SPMIP11: variants seen among roughly 807,000 people sequenced by gnomAD.
The protein encoded by SPMIP11 is sperm microtubule inner protein 11.
At chr12:48,748,349 T>G in the SPMIP11 span, among the ~76,000 whole-genome samples, 2 of 152,246 alleles carry the variant, frequency 1.3e-5, no homozygotes, top group African/African-American at 4.8e-5. Flanking sequence ...CTCTTTCATC[T>G]GGCAAGGGAA....
chr12:48,762,410 C>G, the SPMIP11 span, among the ~76,000 whole-genome samples: 1 of 132,518 alleles, frequency 7.5e-6, no homozygotes, highest in Non-Finnish European at 1.6e-5. Flanking sequence ...CTCTGTCGCC[C>G]AGGCTGGAGT....
At chr12:48,765,800 G>A in the SPMIP11 span, 1 of 638,986 alleles carries the variant, frequency 1.6e-6, no homozygotes, top group East Asian at 2.8e-5. Context: ...AGTTGCTTGT[G>A]TGCACGGGGG....
the SPMIP11 span, among the ~76,000 whole-genome samples, chr12:48,729,459 A>C: frequency 6.6e-6 from 1 of 151,764 alleles, no homozygotes; most frequent in South Asian, 2.1e-4. Context: ...GCTTGAACCC[A>C]GGAAGTGGAG....
the SPMIP11 span, chr12:48,768,393 T>G: frequency 1.4e-6 from 1 of 714,182 alleles, no homozygotes; most frequent in Non-Finnish European, 2.3e-6. Flanking sequence ...ACTTGCATAA[T>G]CCTCTCGGTA....
chr12:48,730,208 G>C, the SPMIP11 span, among the ~76,000 whole-genome samples: 1 of 152,172 alleles, frequency 6.6e-6, no homozygotes, highest in South Asian at 2.1e-4. Flanking sequence ...TTATAGGCTA[G>C]ACAAAGTGGA....
chr12:48,768,437 G>T, the SPMIP11 span: 62 of 1,093,704 alleles, frequency 5.7e-5, no homozygotes, highest in Non-Finnish European at 7.1e-5. Flanking sequence ...GAGGGCAGAC[G>T]AGCATGATCC....
At chr12:48,754,308 G>C in the SPMIP11 span, among the ~76,000 whole-genome samples, 1 of 152,000 alleles carries the variant, frequency 6.6e-6, no homozygotes, top group Admixed American at 6.6e-5. Context: ...AGGAGGCTGA[G>C]GCAGGAGGAT....
At chr12:48,770,306 C>T in the SPMIP11 span, among the ~76,000 whole-genome samples, 2 of 152,070 alleles carry the variant, frequency 1.3e-5, no homozygotes, top group Non-Finnish European at 2.9e-5. Flanking sequence ...CTCAAATAAG[C>T]CAGTAAATGG....
chr12:48,751,900 C>T, the SPMIP11 span, among the ~76,000 whole-genome samples: 1 of 151,896 alleles, frequency 6.6e-6, no homozygotes, highest in Non-Finnish European at 1.5e-5. Flanking sequence ...AACTTCATCC[C>T]TACTAAAAAT....
chr12:48,760,428 T>A, the SPMIP11 span, among the ~76,000 whole-genome samples: 1 of 152,116 alleles, frequency 6.6e-6, no homozygotes. Context: ...TCCTCCCACC[T>A]CGGCCTCCCA....
chr12:48,741,039 A>G, the SPMIP11 span, among the ~76,000 whole-genome samples: 1 of 147,046 alleles, frequency 6.8e-6, no homozygotes, highest in Non-Finnish European at 1.5e-5. Context: ...AATCTGGAAT[A>G]GTTCCTCCAC....
chr12:48,730,080 A>T, the SPMIP11 span, among the ~76,000 whole-genome samples: 8 of 152,122 alleles, frequency 5.3e-5, no homozygotes, highest in Admixed American at 4.6e-4. Context: ...ACTAGATAGA[A>T]TTCTCTCACC....
the SPMIP11 span, among the ~76,000 whole-genome samples, chr12:48,756,598 A>G: frequency 6.6e-6 from 1 of 152,196 alleles, no homozygotes; most frequent in African/African-American, 2.4e-5. Flanking sequence ...GCACTCCACC[A>G]GAGATTAGTC....
At chr12:48,736,191 C>A in the SPMIP11 span, 1 of 389,740 alleles carries the variant, frequency 2.6e-6, no homozygotes, top group South Asian at 1.9e-5. Context: ...ATTCCTTGAG[C>A]CCAGGAATTA....
At chr12:48,730,070 A>G in the SPMIP11 span, among the ~76,000 whole-genome samples, 2 of 152,072 alleles carry the variant, frequency 1.3e-5, no homozygotes, top group Non-Finnish European at 2.9e-5. Context: ...ACCTACCCCT[A>G]CTAGATAGAA....
At chr12:48,763,756 G>A in the SPMIP11 span, among the ~76,000 whole-genome samples, 1 of 148,344 alleles carries the variant, frequency 6.7e-6, no homozygotes, top group Non-Finnish European at 1.5e-5. Flanking sequence ...TCAGCTCACT[G>A]CAACCTCCAT....
chr12:48,771,104 A>G, the SPMIP11 span: 1 of 901,634 alleles, frequency 1.1e-6, no homozygotes. This position sits in a 1 kb window ranked among gnomAD's most constrained non-coding sequence, Gnocchi z 4.3. Flanking sequence ...AGCTGCTGCT[A>G]TCAGTGTAAG....
the SPMIP11 span, among the ~76,000 whole-genome samples, chr12:48,731,383 G>A: frequency 6.6e-6 from 1 of 151,926 alleles, no homozygotes; most frequent in African/African-American, 2.4e-5. Context: ...CCCAGCTGCT[G>A]GGGAGGCTGA....
At chr12:48,755,306 T>C in the SPMIP11 span, among the ~76,000 whole-genome samples, 3 of 152,314 alleles carry the variant, frequency 2.0e-5, no homozygotes, top group East Asian at 5.8e-4. Flanking sequence ...TCATATCTAC[T>C]TATCAACAAA....
Sources: allele counts gnomAD v4.1 joint callset (sites outside exome capture counted in the v4.1 genomes callset), GRCh38; gene constraint gnomAD v4.1.1; non-coding constraint Gnocchi (gnomAD v3.1); transcripts MANE v1.5; gene names NCBI Gene and HGNC (gene_info 2026-07-23, HGNC 2026-07-21).